IMMP2L: variants seen among roughly 807,000 people sequenced by gnomAD.
The protein encoded by IMMP2L is mitochondrial inner membrane protease subunit 2.
In IMMP2L, 18 loss-of-function variants were observed where a neutral mutation model predicts 19.3. The observed-to-expected ratio is 0.93, with a 90% CI of 0.64 to 1.38. IMMP2L has a LOEUF of 1.38. Among genes scored for constraint, IMMP2L ranks in the 40% most tolerant of loss-of-function variants. The probability of loss-of-function intolerance (pLI) is 0.00; values close to 1 mark genes in which losing one functional copy is unlikely to be tolerated. For missense variants in IMMP2L, 233 were observed against 218.2 expected (o/e 1.07, Z -0.43); for synonymous variants, 76 against 73.0 (o/e 1.04, Z -0.21).
At chr7:110,918,081 C>T (rs184006848) in intron 4 of IMMP2L, among the ~76,000 whole-genome samples, 2 of 152,122 alleles carry the variant, frequency 1.3e-5, no homozygotes, top group Non-Finnish European at 2.9e-5. Flanking sequence ...AATGAAATAT[C>T]CCAATGTTCA....
chr7:111,480,469 T>A (rs1164302209), intron 3 of IMMP2L, among the ~76,000 whole-genome samples: 3 of 151,872 alleles, frequency 2.0e-5, no homozygotes, highest in Non-Finnish European at 4.4e-5. Flanking sequence ...ACCTATACTA[T>A]CTCATTTTAT....
intron 3 of IMMP2L, among the ~76,000 whole-genome samples, chr7:111,256,064 T>C (rs1816663211): frequency 6.6e-6 from 1 of 152,138 alleles, no homozygotes; most frequent in Non-Finnish European, 1.5e-5. Context: ...TAGAGATTTA[T>C]ACTATACATT....
At chr7:110,759,104 T>G (rs1798201643) in intron 5 of IMMP2L, among the ~76,000 whole-genome samples, 2 of 152,124 alleles carry the variant, frequency 1.3e-5, no homozygotes, top group Admixed American at 6.6e-5. Context: ...ATTATTTCCA[T>G]GAGAATCTTG....
chr7:110,870,845 C>T lies in IMMP2L; in HGVS notation c.408+15748G>A, dbSNP rs1229814666. Among the ~76,000 whole-genome samples the T allele has an allele frequency of 1.3e-5, 2 of 152,098 alleles. No individual in the cohort carries two copies. Among genetic ancestry groups the T allele is most frequent in the Admixed American group, 6.6e-5 (1 of 15,260 alleles). ...AACTTAACGCTTTTAATTCTAATAG[C>T]AACAGGAAGCCACTGAAGTGTTTCA... On this transcript the variant is annotated intron_variant, in intron 5 of 5. Transcript: ENST00000405709. The surrounding 1 kb of genome is among the most constrained non-coding windows in gnomAD (Gnocchi z 4.2).
At chr7:110,872,582 A>G (rs898682814) in intron 5 of IMMP2L, among the ~76,000 whole-genome samples, 5 of 152,156 alleles carry the variant, frequency 3.3e-5, no homozygotes, top group Non-Finnish European at 7.4e-5. Flanking sequence ...CCCCTAGGCC[A>G]GAATTGGTTG....
At chr7:110,665,996 A>T (rs1791424563) in intron 5 of IMMP2L, among the ~76,000 whole-genome samples, 1 of 152,154 alleles carries the variant, frequency 6.6e-6, no homozygotes, top group Non-Finnish European at 1.5e-5. Flanking sequence ...TTAAAAAAAA[A>T]GTGCTTTCCC....
chr7:110,856,463 A>T (rs1388374649), intron 5 of IMMP2L, among the ~76,000 whole-genome samples: 3 of 152,076 alleles, frequency 2.0e-5, no homozygotes, highest in Non-Finnish European at 4.4e-5. Context: ...TTAAGGCAAG[A>T]CAAAAGCAGC....
At chr7:111,159,166 A>G (rs1804977033) in intron 3 of IMMP2L, among the ~76,000 whole-genome samples, 1 of 152,140 alleles carries the variant, frequency 6.6e-6, no homozygotes, top group Admixed American at 6.5e-5. Context: ...CCCAGGTTGG[A>G]GTGCAGTAGC....
intron 3 of IMMP2L, among the ~76,000 whole-genome samples, chr7:111,126,030 C>T (rs745530057): frequency 3.3e-5 from 5 of 151,902 alleles, no homozygotes; most frequent in Admixed American, 6.6e-5. Context: ...GCCATATTGG[C>T]CAGGCTGCTC....
intron 3 of IMMP2L, among the ~76,000 whole-genome samples, chr7:111,011,339 T>C (rs943597560): frequency 6.6e-6 from 1 of 152,124 alleles, no homozygotes; most frequent in Admixed American, 6.6e-5. Flanking sequence ...TAGAGAAATA[T>C]TGCTCATGTC....
intron 4 of IMMP2L, among the ~76,000 whole-genome samples, chr7:110,902,523 A>G (rs1337583592): frequency 6.8e-6 from 1 of 147,676 alleles, no homozygotes; most frequent in Non-Finnish European, 1.5e-5. Context: ...TTCATGTTGG[A>G]AAAACCCTGA....
At position 111,089,451 on chromosome 7, in the gene IMMP2L, C is replaced by T. The variant is rs575136908; in HGVS notation, c.240-125886G>A. Among the ~76,000 whole-genome samples the T allele has an allele frequency of 6.6e-5, 10 of 151,960 alleles. No homozygotes were observed. The South Asian group carries it at 1.7e-3, about 25-fold the overall frequency. On this transcript the variant is annotated intron_variant, in intron 3 of 5. Transcript: ENST00000405709. ...TTATCACAATTTTAAGATTATTCTTCCATATGTGGAAATAAATCCTGCAGA... is the reference window on the plus strand; with the variant it reads ...TTATCACAATTTTAAGATTATTCTTTCATATGTGGAAATAAATCCTGCAGA...
At chr7:111,037,156 C>T (rs1334055593) in intron 3 of IMMP2L, among the ~76,000 whole-genome samples, 2 of 152,098 alleles carry the variant, frequency 1.3e-5, no homozygotes, top group African/African-American at 2.4e-5. Flanking sequence ...TTTTCTTCAA[C>T]AAGGTGGCAG....
intron 3 of IMMP2L, among the ~76,000 whole-genome samples, chr7:111,047,644 C>T (rs552058865): frequency 6.6e-6 from 1 of 152,256 alleles, no homozygotes; most frequent in African/African-American, 2.4e-5. Context: ...TAACTGTATG[C>T]TAATATCTAA....
At chr7:111,218,709 T>G (rs1393423684) in intron 3 of IMMP2L, among the ~76,000 whole-genome samples, 2 of 152,088 alleles carry the variant, frequency 1.3e-5, no homozygotes, top group Non-Finnish European at 2.9e-5. Context: ...TTGTTTTTTC[T>G]GATTAATTAT....
intron 1 of IMMP2L, among the ~76,000 whole-genome samples, chr7:111,541,264 C>T (rs913175778): frequency 2.0e-5 from 3 of 152,136 alleles, no homozygotes; most frequent in African/African-American, 7.2e-5. Flanking sequence ...CTGACTTCTG[C>T]TACAAGGTCA....
At chr7:111,264,477 G>A (rs1817633113) in intron 3 of IMMP2L, among the ~76,000 whole-genome samples, 1 of 151,928 alleles carries the variant, frequency 6.6e-6, no homozygotes, top group Non-Finnish European at 1.5e-5. Context: ...TGAAAAACTT[G>A]CCCTGCAGAA....
Position 110,782,026 on chromosome 7 carries a change from G to GT in IMMP2L, c.408+104566dup, listed in dbSNP as rs140601362. 2.2e-3 allele frequency among the ~76,000 whole-genome samples: 329 copies of GT among 151,992 alleles called. 2 individuals are homozygous for GT. The highest frequency in any genetic ancestry group is 7.7e-3 in the African/African-American group (319 of 41,502). ...GTTTCTTTATAACCCAGTAGTGGTT[G>GT]TAAGAGCTGAGACCTGAAGATTAAT... On this transcript the variant is annotated intron_variant, in intron 5 of 5. Coordinates refer to ENST00000405709, the MANE Select transcript of IMMP2L (RefSeq NM_032549.4).
intron 5 of IMMP2L, among the ~76,000 whole-genome samples, chr7:110,695,532 GA>G (rs1457542112): frequency 1.3e-4 from 20 of 151,974 alleles, no homozygotes; most frequent in African/African-American, 4.6e-4. Context: ...TATGTTATTT[GA>G]ATTTCCCCTC....
Sources: gnomAD v4.1 joint callset for allele counts (sites outside exome capture counted in the v4.1 genomes callset) on GRCh38, gnomAD v4.1.1 for gene constraint, Gnocchi (gnomAD v3.1) non-coding constraint, MANE v1.5 for transcripts, NCBI Gene and HGNC (gene_info 2026-07-23, HGNC 2026-07-21) for gene names.